HNF1B: variants seen among roughly 807,000 people sequenced by gnomAD.
HNF1B encodes the protein hepatocyte nuclear factor 1-beta.
HNF1B carries 8 observed loss-of-function variants against 61.7 expected under a neutral mutation model. The observed-to-expected ratio is 0.13, with a 90% CI of 0.08 to 0.23. The LOEUF (loss-of-function observed/expected upper bound fraction) is 0.23. Ranked by LOEUF, HNF1B falls within the 10% of genes least tolerant of loss-of-function variation. HNF1B has a pLI of 1.00. For synonymous variants in HNF1B, 314 were observed against 287.7 expected (o/e 1.09, Z -0.93); for missense variants, 562 against 714.5 (o/e 0.79, Z 2.43).
At chr17:37,739,960 T>G (rs2147577279) in intron 1 of HNF1B, among the ~76,000 whole-genome samples, 1 of 151,312 alleles carries the variant, frequency 6.6e-6, no homozygotes, top group South Asian at 2.1e-4. Flanking sequence ...ATTAATTAAT[T>G]AATTTATTTA....
At chr17:37,697,653 G>A (rs1172139564) in intron 8 of HNF1B, among the ~76,000 whole-genome samples, 1 of 152,144 alleles carries the variant, frequency 6.6e-6, no homozygotes, top group Non-Finnish European at 1.5e-5. Context: ...CTGCCCCCCT[G>A]ATTGAGATTT....
chr17:37,726,536 C>T (rs1238982713), intron 4 of HNF1B, among the ~76,000 whole-genome samples: 1 of 152,146 alleles, frequency 6.6e-6, no homozygotes, highest in Non-Finnish European at 1.5e-5. Flanking sequence ...GAATTCAGTG[C>T]CAGGGAAAAC....
chr17:37,743,881 G>T (rs11658063), intron 1 of HNF1B, among the ~76,000 whole-genome samples: 1 of 152,092 alleles, frequency 6.6e-6, no homozygotes, highest in Non-Finnish European at 1.5e-5. Flanking sequence ...CACCGCGCTT[G>T]GTTTCTTTGG....
intron 4 of HNF1B, chr17:37,720,974 A>G: frequency 1.0e-6 from 1 of 984,638 alleles, no homozygotes; most frequent in Non-Finnish European, 1.2e-6. Context: ...TTTTGTGCCC[A>G]TCGTGCAAAC....
rs1269039519 is a variant in HNF1B at position 37,731,849 on chromosome 17, G to A, written c.810-19C>T. On this transcript the variant is annotated intron_variant, in intron 3 of 8. Coordinates refer to ENST00000617811, the MANE Select transcript of HNF1B (RefSeq NM_000458.4). ...TTCTGCCCTGGGAATGGATGGAGGG[G>A]AGATGGTGAGTGAGGGGGGGCGGGG... 4 of 1,400,168 alleles carry A rather than the reference G, an allele frequency of 2.9e-6. No individual in the cohort carries two copies. Among genetic ancestry groups the A allele is most frequent in the Non-Finnish European group, 4.0e-6 (4 of 989,402 alleles). 86.7% of individuals were successfully genotyped at this position (1,400,168 alleles called of 1,614,324 possible).
At chr17:37,742,706 G>A (rs936858046) in intron 1 of HNF1B, among the ~76,000 whole-genome samples, 1 of 151,940 alleles carries the variant, frequency 6.6e-6, no homozygotes, top group African/African-American at 2.4e-5. Flanking sequence ...AGGGAAGAGC[G>A]GGGCTGGGGT....
chr17:37,736,965 T>C (rs994182496), intron 2 of HNF1B, among the ~76,000 whole-genome samples: 3 of 152,210 alleles, frequency 2.0e-5, no homozygotes, highest in African/African-American at 7.2e-5. Flanking sequence ...GGGAAGAAAA[T>C]GTTCATTGCC....
At chr17:37,711,728 G>A (rs929784532) in intron 4 of HNF1B, among the ~76,000 whole-genome samples, 5 of 152,176 alleles carry the variant, frequency 3.3e-5, no homozygotes, top group East Asian at 3.8e-4. Context: ...AAGGTTTGGA[G>A]GACCCTGTCC....
chr17:37,699,334 A>T, intron 7 of HNF1B, 140 bp from the exon 8 acceptor site: 1 of 736,748 alleles, frequency 1.4e-6, no homozygotes, highest in Non-Finnish European at 2.5e-6. Flanking sequence ...TTCTCATATT[A>T]GTTATCCATA....
At chr17:37,719,761 C>T (rs1416251521) in intron 4 of HNF1B, among the ~76,000 whole-genome samples, 1 of 152,220 alleles carries the variant, frequency 6.6e-6, no homozygotes, top group Non-Finnish European at 1.5e-5. Flanking sequence ...TATAAACAGA[C>T]ATCTGTATTG....
At chr17:37,700,834 G>A (rs2032541314) in intron 7 of HNF1B, 149 bp downstream of exon 7, 5 of 750,904 alleles carry the variant, frequency 6.7e-6, no homozygotes, top group Admixed American at 4.0e-5. Flanking sequence ...CAAGAGTTAT[G>A]CTTGAGAAAT....
chr17:37,693,843 C>T (rs1003849628), intron 8 of HNF1B, among the ~76,000 whole-genome samples: 2 of 152,212 alleles, frequency 1.3e-5, no homozygotes, highest in African/African-American at 4.8e-5. Context: ...TGAGCTCTCG[C>T]TCAAGTTAAT....
intron 2 of HNF1B, among the ~76,000 whole-genome samples, chr17:37,736,497 AT>A (rs1375925999): frequency 1.3e-5 from 2 of 152,206 alleles, no homozygotes; most frequent in Non-Finnish European, 1.5e-5. Flanking sequence ...GTCCAAAGTC[AT>A]GTGGACTTGG....
intron 3 of HNF1B, among the ~76,000 whole-genome samples, chr17:37,733,033 T>C (rs1199711162): frequency 6.6e-6 from 1 of 152,096 alleles, no homozygotes; most frequent in East Asian, 1.9e-4. Flanking sequence ...CAGAGTGGAC[T>C]GAACAGATCT....
chr17:37,706,840 A>T (rs1402988359), intron 5 of HNF1B, among the ~76,000 whole-genome samples: 2 of 152,170 alleles, frequency 1.3e-5, no homozygotes, highest in Non-Finnish European at 2.9e-5. Context: ...AAATAATTTA[A>T]ATGTGTGTGA....
At chr17:37,728,299 G>A (rs974942446) in intron 4 of HNF1B, among the ~76,000 whole-genome samples, 1 of 150,734 alleles carries the variant, frequency 6.6e-6, no homozygotes, top group Admixed American at 6.6e-5. Context: ...ACCACACCTA[G>A]CCCACAGAGC....
intron 4 of HNF1B, among the ~76,000 whole-genome samples, chr17:37,715,948 A>G (rs541911121): frequency 6.6e-6 from 1 of 152,326 alleles, no homozygotes; most frequent in South Asian, 2.1e-4. Flanking sequence ...CCTGGCCAAC[A>G]TGGTGAAACC....
At chr17:37,704,247 A>G (rs2032666464) in intron 6 of HNF1B, among the ~76,000 whole-genome samples, 1 of 152,228 alleles carries the variant, frequency 6.6e-6, no homozygotes, top group Non-Finnish European at 1.5e-5. Flanking sequence ...GCTGTTGAAT[A>G]TGAGCCTCCT....
intron 4 of HNF1B, among the ~76,000 whole-genome samples, chr17:37,722,685 C>A (rs561699225): frequency 6.6e-6 from 1 of 152,302 alleles, no homozygotes; most frequent in East Asian, 1.9e-4. Flanking sequence ...AGCATCGAGT[C>A]CCCCCTTGCC....
Sources: gnomAD v4.1 joint callset for allele counts (sites outside exome capture counted in the v4.1 genomes callset) on GRCh38, gnomAD v4.1.1 for gene constraint, MANE v1.5 for transcripts, NCBI Gene and HGNC (gene_info 2026-07-23, HGNC 2026-07-21) for gene names.